LCMT1: variants seen among roughly 807,000 people sequenced by gnomAD.
LCMT1 encodes the protein [Phosphatase 2A protein]-leucine-carboxy methyltransferase 1.
Under a neutral mutation model 47.7 loss-of-function variants are expected in LCMT1, and 32 were observed. The ratio of observed to expected loss-of-function variants is 0.67; its 90% confidence interval spans 0.51 to 0.90. The LOEUF is 0.90. Among genes scored for constraint, LCMT1 ranks in the 40% least tolerant of loss-of-function variants. The pLI, the probability that LCMT1 is intolerant of heterozygous loss-of-function variation, is 0.00. For synonymous variants in LCMT1, 152 were observed against 149.7 expected (o/e 1.02, Z -0.11); for missense variants, 375 against 415.2 (o/e 0.90, Z 0.84).
At chr16:25,165,053 GC>G (rs1227419333) in intron 7 of LCMT1, among the ~76,000 whole-genome samples, 1 of 152,270 alleles carries the variant, frequency 6.6e-6, no homozygotes, top group East Asian at 1.9e-4. Flanking sequence ...TCAGGGACAG[GC>G]AGGTGGGGTC....
Position 25,131,484 on chromosome 16 carries a change from A to G in LCMT1, c.206-918A>G, listed in dbSNP as rs138739476. Among the ~76,000 whole-genome samples the G allele has an allele frequency of 2.3e-3, 355 of 152,376 alleles. 3 individuals carry two copies. Among genetic ancestry groups the G allele is most frequent in the African/African-American group, 8.0e-3 (334 of 41,596 alleles). On this transcript the variant is annotated intron_variant, in intron 2 of 10. Transcript: ENST00000399069. ...AATAGAAATGATCTAGAAAAATAAA[A>G]TGAAAATGACATACAATGTACAATT...
chr16:25,132,151 T>C (rs1325703208), intron 2 of LCMT1: 2 of 519,356 alleles, frequency 3.9e-6, no homozygotes, highest in African/African-American at 3.8e-5. Context: ...TACATAAAAC[T>C]ATAGCTCATT....
At chr16:25,123,851 C>G (rs969121448) in intron 1 of LCMT1, among the ~76,000 whole-genome samples, 1 of 151,996 alleles carries the variant, frequency 6.6e-6, no homozygotes, top group Non-Finnish European at 1.5e-5. Flanking sequence ...TCAGGTGATC[C>G]GCCCGCCTCG....
chr16:25,150,221 A>G (rs1228864571), intron 4 of LCMT1, among the ~76,000 whole-genome samples: 1 of 84,262 alleles, frequency 1.2e-5, no homozygotes, highest in Non-Finnish European at 3.1e-5. Context: ...AGATAAGGAA[A>G]CTGAGGCTTA....
At chr16:25,140,033 A>G (rs1007539695) in intron 3 of LCMT1, 138 bp from the exon 4 acceptor site, 1 of 632,388 alleles carries the variant, frequency 1.6e-6, no homozygotes, top group Non-Finnish European at 2.8e-6. Context: ...AATTCGAAAA[A>G]CACGTCTGCC....
intron 1 of LCMT1, among the ~76,000 whole-genome samples, chr16:25,115,336 C>T (rs915959333): frequency 7.2e-5 from 11 of 152,182 alleles, no homozygotes; most frequent in African/African-American, 2.7e-4. Context: ...CATTTATCTT[C>T]CTTGCCCTTT....
chr16:25,155,014 G>T (rs753900150), intron 5 of LCMT1, among the ~76,000 whole-genome samples: 1 of 152,128 alleles, frequency 6.6e-6, no homozygotes, highest in African/African-American at 2.4e-5. Context: ...AAAAATATTT[G>T]TTTAAAAATG....
At chr16:25,137,658 G>A (rs1245441558) in intron 3 of LCMT1, among the ~76,000 whole-genome samples, 1 of 151,862 alleles carries the variant, frequency 6.6e-6, no homozygotes, top group Non-Finnish European at 1.5e-5. Context: ...TGCCCAGGCT[G>A]GTCTCGAACT....
chr16:25,124,721 C>G lies in LCMT1; in HGVS notation c.114-3754C>G, dbSNP rs142740800. Reference sequence around the variant, plus strand: ...CCTTTCAGAAGAAGGCCCCATTGTTCCAGTTGACGCTCGTGGAGACAGGTC... The same window carrying G: ...CCTTTCAGAAGAAGGCCCCATTGTTGCAGTTGACGCTCGTGGAGACAGGTC... On this transcript the variant is annotated intron_variant, in intron 1 of 10. Coordinates refer to ENST00000399069, the MANE Select transcript of LCMT1 (RefSeq NM_016309.3). 4.0e-4 allele frequency among the ~76,000 whole-genome samples: 61 copies of G among 152,282 alleles called. No individual in the cohort carries two copies. In the East Asian group the frequency reaches 0.011, roughly 28 times the overall value.
chr16:25,161,349 G>T, intron 6 of LCMT1, 145 bp downstream of exon 6: 1 of 479,656 alleles, frequency 2.1e-6, no homozygotes, highest in Non-Finnish European at 3.7e-6. Flanking sequence ...CTAGTTTTCT[G>T]AAAAAAATTC....
intron 10 of LCMT1, among the ~76,000 whole-genome samples, chr16:25,177,258 A>G (rs549983558): frequency 6.6e-6 from 1 of 152,326 alleles, no homozygotes; most frequent in African/African-American, 2.4e-5. Flanking sequence ...ACTTCTTAGT[A>G]GGAAACTTAA....
chr16:25,178,037 T>C lies in LCMT1; in HGVS notation c.*14T>C. 1 of 1,613,360 alleles carries C rather than the reference T, an allele frequency of 6.2e-7. No individual in the cohort carries two copies. Among genetic ancestry groups the C allele is most frequent in the Non-Finnish European group, 8.5e-7 (1 of 1,179,616 alleles). On this transcript the variant is annotated 3_prime_UTR_variant, in exon 11 of 11. Transcript: ENST00000399069. ...ATAACTTATTAATCTGTCGAAGGCT[T>C]ATGCCGAGCCAGAAGCCGAAGCCAC...
At chr16:25,131,625 T>C (rs770285061) in intron 2 of LCMT1, among the ~76,000 whole-genome samples, 2 of 152,220 alleles carry the variant, frequency 1.3e-5, no homozygotes, top group Non-Finnish European at 2.9e-5. Context: ...TTAACAGCCA[T>C]GCACATACTT....
intron 4 of LCMT1, 139 bp downstream of exon 4, chr16:25,140,386 C>A: frequency 1.6e-6 from 1 of 643,156 alleles, no homozygotes; most frequent in Non-Finnish European, 2.8e-6. Context: ...TTTTTTTTTG[C>A]CCTGGCACTC....
intron 6 of LCMT1, among the ~76,000 whole-genome samples, chr16:25,162,044 A>G (rs1248575858): frequency 1.3e-5 from 2 of 152,214 alleles, no homozygotes; most frequent in African/African-American, 4.8e-5. Flanking sequence ...TCACAGTACA[A>G]CTACTGTGAG....
intron 1 of LCMT1, among the ~76,000 whole-genome samples, chr16:25,118,229 C>T (rs1959858860): frequency 6.6e-6 from 1 of 152,098 alleles, no homozygotes. Flanking sequence ...CTGTGTACTT[C>T]CCCAGCCTCA....
chr16:25,151,723 G>GT (rs56191741), intron 5 of LCMT1, 108 bp downstream of exon 5: 61 of 739,048 alleles, frequency 8.3e-5, no homozygotes, highest in South Asian at 1.1e-4. Flanking sequence ...GTGTGTGTGT[G>GT]GTGTTATACA....
chr16:25,169,990 C>T (rs760476721), intron 8 of LCMT1, among the ~76,000 whole-genome samples: 5 of 152,024 alleles, frequency 3.3e-5, no homozygotes, highest in South Asian at 4.2e-4. Flanking sequence ...GATGCTGAGG[C>T]GGGCGGATCA....
In LCMT1 at chr16:25,111,774, G is replaced by A. The variant is rs566032871; in HGVS notation, c.-110G>A. On this transcript the variant is annotated 5_prime_UTR_variant, in exon 1 of 11. Transcript: ENST00000399069. The stretch of plus-strand genomic sequence containing the variant: ...AGCCGCGCCAGCTGAGCCAGGTAGG[G>A]CCCTACCCTCTTCTGTTGCTTTCTC... 1.7e-3 allele frequency: 1,246 copies of A among 744,200 alleles called. 16 individuals are homozygous for A. The highest frequency in any genetic ancestry group is 3.0e-4 in the Non-Finnish European group (128 of 425,428). 46.1% of individuals were successfully genotyped at this position (744,200 alleles called of 1,614,324 possible). A position where few individuals can be genotyped will look rare whatever the true frequency, so the allele number is the denominator to read the frequency against.
Sources: allele counts gnomAD v4.1 joint callset (sites outside exome capture counted in the v4.1 genomes callset), GRCh38; gene constraint gnomAD v4.1.1; transcripts MANE v1.5; gene names NCBI Gene and HGNC (gene_info 2026-07-23, HGNC 2026-07-21).